The following PAQR5 variants were observed in gnomAD, a reference collection of about 807,000 sequenced individuals.
The protein encoded by PAQR5 is progestin and adipoQ receptor family member 5.
PAQR5 carries 20 observed loss-of-function variants against 34.5 expected under a neutral mutation model. The ratio of observed to expected loss-of-function variants is 0.58; its 90% CI spans 0.41 to 0.84. PAQR5 has a LOEUF of 0.84. Among genes scored for constraint, PAQR5 ranks in the 40% least tolerant of loss-of-function variants. The probability of loss-of-function intolerance (pLI) is 0.00; values close to 1 mark genes in which losing one functional copy is unlikely to be tolerated. For synonymous variants in PAQR5, 131 were observed against 155.6 expected, an observed-to-expected ratio of 0.84 and a Z score of 1.18; for missense variants, 378 against 412.7, an observed-to-expected ratio of 0.92 and a Z score of 0.73.
chr15:69,354,647 G>A (rs933621982), intron 2 of PAQR5, among the ~76,000 whole-genome samples: 7 of 152,074 alleles, frequency 4.6e-5, no homozygotes, highest in Admixed American at 3.3e-4. Context: ...GTTGACAGGG[G>A]GTAGACTTGT....
chr15:69,400,561 G>A (rs1169053507), intron 8 of PAQR5, among the ~76,000 whole-genome samples: 8 of 152,104 alleles, frequency 5.3e-5, no homozygotes, highest in African/African-American at 1.4e-4. Context: ...GCATGGTGGC[G>A]TGCACCTGTG....
intron 4 of PAQR5, among the ~76,000 whole-genome samples, chr15:69,383,651 G>A (rs1413673849): frequency 1.6e-5 from 2 of 124,348 alleles, no homozygotes; most frequent in Admixed American, 1.5e-4. Flanking sequence ...TGTTCATCGT[G>A]GAGGGTGAGC....
At chr15:69,335,572 CAG>C (rs2054496760) in intron 1 of PAQR5, among the ~76,000 whole-genome samples, 2 of 80,036 alleles carry the variant, frequency 2.5e-5, no homozygotes, top group East Asian at 4.5e-4. Context: ...TTTTTTGAGA[CAG>C]AGTCTCACTC....
chr15:69,300,884 TCTTTCTTTCTTC>T (rs1387122954), intron 1 of PAQR5, among the ~76,000 whole-genome samples: 2 of 27,058 alleles, frequency 7.4e-5, no homozygotes, highest in African/African-American at 2.0e-4. Context: ...TTTCTTTCTT[TCTTTCTTTCTTC>T]CTTCCTTCCT....
intron 1 of PAQR5, among the ~76,000 whole-genome samples, chr15:69,320,066 C>T (rs991880137): frequency 3.9e-5 from 6 of 152,254 alleles, no homozygotes; most frequent in South Asian, 2.1e-4. Context: ...GAGCCTTCCC[C>T]GTTGGGGTGA....
At chr15:69,348,391 C>T (rs578244820) in intron 2 of PAQR5, among the ~76,000 whole-genome samples, 42 of 152,248 alleles carry the variant, frequency 2.8e-4, no homozygotes, top group African/African-American at 7.7e-4. Context: ...GCACAGGAAA[C>T]GGTGAAGCAG....
intron 2 of PAQR5, among the ~76,000 whole-genome samples, chr15:69,357,368 A>G (rs1368553454): frequency 6.6e-6 from 1 of 151,970 alleles, no homozygotes; most frequent in African/African-American, 2.4e-5. Context: ...GGTTCAAGCA[A>G]TTCTCCTGCC....
chr15:69,396,159 T>C (rs539327726), intron 6 of PAQR5, among the ~76,000 whole-genome samples: 216 of 150,844 alleles, frequency 1.4e-3, no homozygotes, highest in African/African-American at 4.7e-3. Flanking sequence ...GCATACTCCA[T>C]GCTGAGAGAT....
chr15:69,348,955 T>A (rs954487077), intron 2 of PAQR5, among the ~76,000 whole-genome samples: 2 of 152,204 alleles, frequency 1.3e-5, no homozygotes, highest in Non-Finnish European at 2.9e-5. Context: ...TTAATATTTT[T>A]AGACTGCCAT....
chr15:69,363,177 G>A, intron 3 of PAQR5, among the ~76,000 whole-genome samples: 1 of 152,170 alleles, frequency 6.6e-6, no homozygotes, highest in East Asian at 1.9e-4. Flanking sequence ...AGGGAATGGT[G>A]TGCCCACCTC....
At chr15:69,333,377 T>C (rs535530649) in intron 1 of PAQR5, among the ~76,000 whole-genome samples, 3 of 152,292 alleles carry the variant, frequency 2.0e-5, no homozygotes, top group African/African-American at 7.2e-5. Context: ...AAATTACTTA[T>C]TATGAGAGAG....
intron 3 of PAQR5, among the ~76,000 whole-genome samples, chr15:69,360,602 T>C (rs913949655): frequency 1.3e-5 from 2 of 152,158 alleles, no homozygotes; most frequent in African/African-American, 4.8e-5. Flanking sequence ...CATTGCCCTT[T>C]AGTGGACCCA....
At chr15:69,319,174 T>C (rs796312929) in intron 1 of PAQR5, among the ~76,000 whole-genome samples, 3 of 1,280 alleles carry the variant, frequency 2.3e-3, no homozygotes, top group African/African-American at 2.6e-3. Context: ...TATATATATA[T>C]ATATATATAT....
At chr15:69,354,575 CTTATTG>C (rs1421762610) in intron 2 of PAQR5, among the ~76,000 whole-genome samples, 1 of 152,084 alleles carries the variant, frequency 6.6e-6, no homozygotes, top group Non-Finnish European at 1.5e-5. Flanking sequence ...GCAGAACTAT[CTTATTG>C]TTATTGTTTT....
chr15:69,402,247 C>T (rs750605718), intron 8 of PAQR5, among the ~76,000 whole-genome samples: 2 of 152,074 alleles, frequency 1.3e-5, no homozygotes, highest in African/African-American at 4.8e-5. Flanking sequence ...TGTCGATGGC[C>T]GTTCTTTCCA....
At chr15:69,313,159 C>G (rs1398293661) in intron 1 of PAQR5, among the ~76,000 whole-genome samples, 1 of 152,132 alleles carries the variant, frequency 6.6e-6, no homozygotes, top group Non-Finnish European at 1.5e-5. Flanking sequence ...GACCCTGTCA[C>G]GACTCCCTGA....
intron 1 of PAQR5, among the ~76,000 whole-genome samples, chr15:69,309,767 T>C (rs2053790660): frequency 6.6e-6 from 1 of 152,164 alleles, no homozygotes; most frequent in Non-Finnish European, 1.5e-5. Context: ...AGCTGCTTCT[T>C]GGCCAGGTGC....
At chr15:69,353,258 C>T (rs2054973245) in intron 2 of PAQR5, among the ~76,000 whole-genome samples, 1 of 152,226 alleles carries the variant, frequency 6.6e-6, no homozygotes, top group South Asian at 2.1e-4. Context: ...CACTGGACCC[C>T]TTCCATCATG....
chr15:69,337,750 G>A (rs1401439128), intron 2 of PAQR5, among the ~76,000 whole-genome samples: 1 of 150,554 alleles, frequency 6.6e-6, no homozygotes, highest in Non-Finnish European at 1.5e-5. Flanking sequence ...AGTAGAGTAA[G>A]ACTAAAATTC....
Sources: gnomAD v4.1 joint callset for allele counts (sites outside exome capture counted in the v4.1 genomes callset) on GRCh38, gnomAD v4.1.1 for gene constraint, MANE v1.5 for transcripts, NCBI Gene and HGNC (gene_info 2026-07-23, HGNC 2026-07-21) for gene names.